The following GAD2 variants were observed in gnomAD, a reference collection of about 807,000 sequenced individuals.
The protein encoded by GAD2 is glutamate decarboxylase 2, also known as 65 kDa glutamic acid decarboxylase.
GAD2 carries 22 observed loss-of-function variants against 80.1 expected under a neutral mutation model. The ratio of observed to expected loss-of-function variants is 0.27; its 90% CI spans 0.20 to 0.39. The LOEUF (loss-of-function observed/expected upper bound fraction) is 0.39. GAD2 is among the 10% of genes least tolerant of loss of function. GAD2 has a pLI of 1.00. For missense variants in GAD2, 624 were observed against 738.4 expected (o/e 0.85, Z 1.80); for synonymous variants, 274 against 256.9 (o/e 1.07, Z -0.64).
intron 13 of GAD2, 120 bp downstream of exon 13, chr10:26,286,614 T>C: frequency 9.8e-7 from 1 of 1,017,686 alleles, no homozygotes; most frequent in Non-Finnish European, 1.4e-6. Context: ...AGATTTGCTT[T>C]CTTTAAACTT....
chr10:26,250,565 G>C (rs1844867665), intron 8 of GAD2, among the ~76,000 whole-genome samples: 1 of 151,898 alleles, frequency 6.6e-6, no homozygotes, highest in African/African-American at 2.4e-5. Flanking sequence ...AGAGCAAACA[G>C]AGTAAGAAAT....
chr10:26,293,556 T>C (rs1834241929), intron 15 of GAD2, among the ~76,000 whole-genome samples: 1 of 152,220 alleles, frequency 6.6e-6, no homozygotes, highest in Non-Finnish European at 1.5e-5. Context: ...AGTCAGGCGA[T>C]AACCTTTGCT....
At chr10:26,276,667 C>T (rs1362521301) in intron 11 of GAD2, among the ~76,000 whole-genome samples, 1 of 152,200 alleles carries the variant, frequency 6.6e-6, no homozygotes, top group Non-Finnish European at 1.5e-5. Context: ...GTATTACAGG[C>T]GTGAGCCACC....
intron 8 of GAD2, among the ~76,000 whole-genome samples, chr10:26,262,728 A>C (rs1402126135): frequency 6.6e-6 from 1 of 151,982 alleles, no homozygotes; most frequent in African/African-American, 2.4e-5. Context: ...TTTTATTCTC[A>C]TGTCATTAAT....
chr10:26,297,907 CAT>C (rs1390685095), intron 15 of GAD2, among the ~76,000 whole-genome samples: 1 of 152,136 alleles, frequency 6.6e-6, no homozygotes, highest in Admixed American at 6.5e-5. Context: ...AATGAGTAAA[CAT>C]ATATGTAACA....
chr10:26,243,374 A>G (rs1273222376), intron 7 of GAD2, among the ~76,000 whole-genome samples: 1 of 152,230 alleles, frequency 6.6e-6, no homozygotes, highest in East Asian at 1.9e-4. Context: ...AAAAGTGGGC[A>G]TTCGAAGAGA....
intron 8 of GAD2, among the ~76,000 whole-genome samples, chr10:26,254,472 A>T (rs958430211): frequency 6.6e-6 from 1 of 152,142 alleles, no homozygotes; most frequent in Non-Finnish European, 1.5e-5. Flanking sequence ...CCGGTTCCTA[A>T]CAGGTCACCA....
At chr10:26,258,870 A>G (rs1049883260) in intron 8 of GAD2, among the ~76,000 whole-genome samples, 11 of 151,402 alleles carry the variant, frequency 7.3e-5, no homozygotes, top group Admixed American at 4.0e-4. Flanking sequence ...CTGGAGTGCA[A>G]TGGCACAATC....
rs1177704475 is a variant in GAD2, at chr10:26,247,180, G to A, written c.920+1180G>A. 2.0e-5 allele frequency among the ~76,000 whole-genome samples: 3 copies of A among 152,116 alleles called. No homozygotes were observed. In the East Asian group the frequency reaches 5.8e-4, roughly 29 times the overall value. On this transcript the variant is annotated intron_variant, in intron 8 of 15. Transcript: ENST00000376261. ...ATTTCTTGATTATATGCTTAACAAG[G>A]GGTGGATTATTCATGCCTCCCCTTT... is the stretch of plus-strand genomic sequence containing the variant.
chr10:26,300,905 C>T lies in GAD2; in HGVS notation c.1702C>T (p.His568Tyr), dbSNP rs1456686894. 1.2e-6 allele frequency: 2 copies of T among 1,613,950 alleles called. No homozygotes were observed. Among genetic ancestry groups the T allele is most frequent in the East Asian group, 2.2e-5 (1 of 44,878 alleles). Reference sequence around the variant, plus strand: ...GGTCATCTCAAACCCAGCGGCAACTCACCAAGACATTGACTTCCTGATTGA... The same window carrying T: ...GGTCATCTCAAACCCAGCGGCAACTTACCAAGACATTGACTTCCTGATTGA... Reference protein sequence around the residue: ...RMVISNPAATHQDIDFLIEEI... With the variant: ...RMVISNPAATYQDIDFLIEEI... The change falls in exon 16 of 16, where the codon CAC becomes TAC. Residue 568 changes from histidine to tyrosine, a missense_variant. Physicochemically the swap from His to Tyr is moderately conservative, Grantham distance 83 (BLOSUM62 2). Transcript: ENST00000376261.
chr10:26,251,761 G>A lies in GAD2; in HGVS notation c.920+5761G>A, dbSNP rs11015017. ...TTGTTCTCCTAGCAGCATTGTATGA[G>A]AGTATGTTGGAAAAAAATTTTAACT... is the stretch of plus-strand genomic sequence containing the variant. On this transcript the variant is annotated intron_variant, in intron 8 of 15. Transcript: ENST00000376261. Among the ~76,000 whole-genome samples the A allele has an allele frequency of 7.2e-3, 1,102 of 152,318 alleles. 17 individuals are homozygous for A. The highest frequency in any genetic ancestry group is 0.025 in the African/African-American group (1,038 of 41,570).
chr10:26,244,663 G>T (rs1844783215), intron 7 of GAD2, among the ~76,000 whole-genome samples: 2 of 152,096 alleles, frequency 1.3e-5, no homozygotes, highest in Non-Finnish European at 2.9e-5. Flanking sequence ...CTTATGTGAG[G>T]TACTTAGAGT....
intron 8 of GAD2, among the ~76,000 whole-genome samples, chr10:26,257,040 GTC>G (rs548485468): frequency 1.4e-3 from 218 of 152,116 alleles, no homozygotes; most frequent in Admixed American, 3.0e-3. Context: ...CTCTCTTGCT[GTC>G]TCTCATTTAT....
chr10:26,250,753 T>A lies in GAD2; in HGVS notation c.920+4753T>A, dbSNP rs561179661. The stretch of plus-strand genomic sequence containing the variant: ...AAAAGCAATATATGCTCACTTTTTT[T>A]AAAAAAAAGAAAATAACAGAAAAAT... On this transcript the variant is annotated intron_variant, in intron 8 of 15. Coordinates refer to ENST00000376261, the MANE Select transcript of GAD2 (RefSeq NM_001134366.2). 4.3e-3 allele frequency among the ~76,000 whole-genome samples: 653 copies of A among 151,602 alleles called. 6 individuals carry two copies. The highest frequency in any genetic ancestry group is 0.014 in the African/African-American group (594 of 41,380).
intron 8 of GAD2, among the ~76,000 whole-genome samples, chr10:26,255,020 G>A (rs189124237): frequency 6.6e-6 from 1 of 152,376 alleles, no homozygotes; most frequent in East Asian, 1.9e-4. Context: ...ACACCGAAGT[G>A]AGAGTGTCTG....
chr10:26,224,813 A>T, intron 6 of GAD2, 162 bp downstream of exon 6: 1 of 592,164 alleles, frequency 1.7e-6, no homozygotes, highest in Non-Finnish European at 3.0e-6. Context: ...TGACCATTGA[A>T]CATGCCTCCA....
At chr10:26,287,501 T>C (rs949226901) in intron 13 of GAD2, among the ~76,000 whole-genome samples, 9 of 152,130 alleles carry the variant, frequency 5.9e-5, no homozygotes, top group African/African-American at 2.2e-4. Context: ...AAGGAAGAAA[T>C]GAGGAAGATT....
chr10:26,245,217 G>A (rs1295042268), intron 7 of GAD2, among the ~76,000 whole-genome samples: 1 of 151,010 alleles, frequency 6.6e-6, no homozygotes, highest in African/African-American at 2.5e-5. Flanking sequence ...GTCGGGGCTG[G>A]GGTTGGGGGT....
chr10:26,273,761 T>A (rs1400950257), intron 11 of GAD2, 61 bp downstream of exon 11: 7 of 1,410,490 alleles, frequency 5.0e-6, no homozygotes, highest in African/African-American at 1.4e-5. Flanking sequence ...GAAACACAAA[T>A]TACAGTCAAT....
Sources: allele counts gnomAD v4.1 joint callset (sites outside exome capture counted in the v4.1 genomes callset), GRCh38; gene constraint gnomAD v4.1.1; transcripts MANE v1.5; gene names NCBI Gene and HGNC (gene_info 2026-07-23, HGNC 2026-07-21).